GDI2: variants seen among roughly 807,000 people sequenced by gnomAD.
The protein encoded by GDI2 is GDP dissociation inhibitor 2.
In GDI2, 22 loss-of-function variants were observed where a neutral mutation model predicts 54.2. The observed-to-expected ratio is 0.41, with a 90% CI of 0.29 to 0.58. The LOEUF (loss-of-function observed/expected upper bound fraction) is 0.58, where lower values mean the gene tolerates loss of function less well. Ranked by LOEUF, GDI2 falls within the 20% of genes least tolerant of loss-of-function variation. The probability of loss-of-function intolerance (pLI) is 0.35; values close to 1 mark genes in which losing one functional copy is unlikely to be tolerated. For missense variants in GDI2, 422 were observed against 546.0 expected, an observed-to-expected ratio of 0.77 and a Z score of 2.26; for synonymous variants, 177 against 182.1, an observed-to-expected ratio of 0.97 and a Z score of 0.23.
chr10:5,771,458 T>C (rs1840486903), intron 7 of GDI2, among the ~76,000 whole-genome samples: 1 of 152,232 alleles, frequency 6.6e-6, no homozygotes, highest in African/African-American at 2.4e-5. Context: ...ATCATTACTG[T>C]TAGCATATTT....
rs1840862736 is a variant in GDI2, at chr10:5,785,895, T to C, written c.544A>G (p.Ile182Val). Residue 182 changes from isoleucine to valine, a missense_variant, in exon 5 of 11, where the codon ATA becomes GTA. Transcript: ENST00000380191. ...YKKFDLGQDVIDFTGHALALY... is the reference protein window; with the variant it reads ...YKKFDLGQDVVDFTGHALALY... Reference sequence around the variant, plus strand: ...GCAAGAGCATGACCAGTAAAATCTATAACGTCTTGACCCAAATCAAATTTC... The same window carrying C: ...GCAAGAGCATGACCAGTAAAATCTACAACGTCTTGACCCAAATCAAATTTC... 8.1e-6 allele frequency: 13 copies of C among 1,612,230 alleles called. No individual in the cohort carries two copies. Among genetic ancestry groups the C allele is most frequent in the Non-Finnish European group, 1.1e-5 (13 of 1,178,332 alleles).
Position 5,813,372 on chromosome 10 carries a change from G to A in GDI2, c.-114C>T. 1 of 700,328 alleles carries A rather than the reference G, an allele frequency of 1.4e-6. No individual in the cohort carries two copies. 43.4% of individuals were successfully genotyped at this position (700,328 alleles called of 1,614,324 possible). On this transcript the variant is annotated 5_prime_UTR_variant, in exon 1 of 11. Coordinates refer to ENST00000380191, the MANE Select transcript of GDI2 (RefSeq NM_001494.4). ...CGCGAAGGAAAGGGGAAGAGAAAGAGAGGAAAATGGAGCTGGCGACAAGGC... is the reference window on the plus strand; with the variant it reads ...CGCGAAGGAAAGGGGAAGAGAAAGAAAGGAAAATGGAGCTGGCGACAAGGC...
rs904642508 is a variant in GDI2, at chr10:5,795,111, C to A, written c.254-92G>T. 6.3e-6 allele frequency: 5 copies of A among 790,462 alleles called. No homozygotes were observed. The East Asian group carries it at 1.3e-4, about 20-fold the overall frequency. 49.0% of individuals were successfully genotyped at this position (790,462 alleles called of 1,614,324 possible). A position where few individuals can be genotyped will look rare whatever the true frequency, so the allele number is the denominator to read the frequency against. Reference sequence around the variant, plus strand: ...TAACAGCTTCTAAAATTTTTTCTAACGATGTTCAATAACTCCAACAAAATA... The same window carrying A: ...TAACAGCTTCTAAAATTTTTTCTAAAGATGTTCAATAACTCCAACAAAATA... On this transcript the variant is annotated intron_variant, in intron 3 of 10. Coordinates refer to ENST00000380191, the MANE Select transcript of GDI2 (RefSeq NM_001494.4).
At chr10:5,797,533 G>A (rs1427288160) in intron 2 of GDI2, among the ~76,000 whole-genome samples, 1 of 120,178 alleles carries the variant, frequency 8.3e-6, no homozygotes, top group Non-Finnish European at 1.6e-5. Context: ...GACAGAGTGA[G>A]ACTCCATCTC....
intron 1 of GDI2, among the ~76,000 whole-genome samples, chr10:5,805,169 C>A (rs1841349489): frequency 6.6e-6 from 1 of 151,884 alleles, no homozygotes; most frequent in Non-Finnish European, 1.5e-5. Context: ...GCTAACCCTG[C>A]AAGCAGGGCA....
intron 4 of GDI2, among the ~76,000 whole-genome samples, chr10:5,791,233 T>C (rs373766814): frequency 3.2e-4 from 48 of 152,144 alleles, no homozygotes; most frequent in African/African-American, 1.2e-3. Context: ...AGGTCAAGGC[T>C]ACATTGAGCC....
Position 5,776,982 on chromosome 10 carries a change from CTG to C in GDI2, c.720-3043_720-3042del. ...TCCCGGAAATGCTTCATCTGGCAGACTGTGGGAGAAGAGGCATTGCCAGGACT... is the reference window on the plus strand; with the variant it reads ...TCCCGGAAATGCTTCATCTGGCAGACTGGGAGAAGAGGCATTGCCAGGACT... On this transcript the variant is annotated intron_variant, in intron 6 of 10. Transcript: ENST00000380191. This position sits in a 1 kb window ranked among gnomAD's most constrained non-coding sequence, Gnocchi z 5.3. 1 of 507,520 alleles carries C rather than the reference CTG, an allele frequency of 2.0e-6. No individual in the cohort carries two copies. The highest frequency in any genetic ancestry group is 3.2e-5 in the East Asian group (1 of 31,198). 31.4% of individuals were successfully genotyped at this position (507,520 alleles called of 1,614,324 possible).
rs1238983165 is a variant in GDI2, at chr10:5,813,285, C to T, written c.-27G>A. On this transcript the variant is annotated 5_prime_UTR_variant, in exon 1 of 11. Transcript: ENST00000380191. ...GCGGGGCAGGCGCGGACGCAGGACCCGAGCAAGGAAAAGGCGCAGGGGCTC... is the reference window on the plus strand; with the variant it reads ...GCGGGGCAGGCGCGGACGCAGGACCTGAGCAAGGAAAAGGCGCAGGGGCTC... 1.9e-6 allele frequency: 3 copies of T among 1,563,062 alleles called. No individual in the cohort carries two copies. Among genetic ancestry groups the T allele is most frequent in the African/African-American group, 2.7e-5 (2 of 72,972 alleles).
intron 1 of GDI2, among the ~76,000 whole-genome samples, chr10:5,805,451 G>A (rs1193220787): frequency 2.0e-5 from 3 of 151,510 alleles, no homozygotes; most frequent in Non-Finnish European, 2.9e-5. Flanking sequence ...GTGTGATCAT[G>A]GCTCACTGCA....
chr10:5,796,834 G>A lies in GDI2; in HGVS notation c.182C>T (p.Ser61Leu). Residue 61 changes from serine to leucine, a missense_variant, in exon 3 of 11, where the codon TCA (serine) becomes TTA (leucine). Ser to Leu is a moderately radical substitution (Grantham distance 145). Transcript: ENST00000380191. Reference protein sequence around the residue: ...DLYKRFKIPGSPPESMGRGRD... With the variant: ...DLYKRFKIPGLPPESMGRGRD... The stretch of plus-strand genomic sequence containing the variant: ...TCCTCTCCCCATTGACTCGGGTGGT[G>A]ATCCTGGTATTTTAAATCTTTTGTA... The A allele has an allele frequency of 6.3e-7, 1 of 1,581,836 alleles. No homozygotes were observed.
chr10:5,807,600 A>G (rs2131722651), intron 1 of GDI2, among the ~76,000 whole-genome samples: 1 of 152,362 alleles, frequency 6.6e-6, no homozygotes, highest in Non-Finnish European at 1.5e-5. Flanking sequence ...TCTGTATGAC[A>G]CTAGCATCTG....
rs1371452734 is a variant in GDI2, at chr10:5,766,692, A to T, written c.992-54T>A. The T allele has an allele frequency of 7.6e-6, 11 of 1,456,556 alleles. No individual in the cohort carries two copies. In the East Asian group the frequency reaches 2.5e-4, roughly 33 times the overall value. The allele number at this position is 1,456,556 out of a possible 1,614,324, so 90.2% of individuals were successfully genotyped here. A position where few individuals can be genotyped will look rare whatever the true frequency, so the allele number is the denominator to read the frequency against. On this transcript the variant is annotated intron_variant, in intron 8 of 10. Transcript: ENST00000380191. This position sits in a 1 kb window ranked among gnomAD's most constrained non-coding sequence, Gnocchi z 5.8. ...CTCAAGTGTCTCCATCTGGGACCCA[A>T]CATACTCAGGTATCACCCATATGTC...
intron 6 of GDI2, among the ~76,000 whole-genome samples, chr10:5,775,236 C>G (rs374001769): frequency 6.6e-6 from 1 of 152,072 alleles, no homozygotes; most frequent in East Asian, 1.9e-4. Flanking sequence ...TGCAGTAAGT[C>G]GTGATCACAC....
chr10:5,811,238 T>G (rs888357792), intron 1 of GDI2, among the ~76,000 whole-genome samples: 1 of 152,142 alleles, frequency 6.6e-6, no homozygotes, highest in Non-Finnish European at 1.5e-5. Context: ...TCAAAGAACA[T>G]CTCAGAAAAC....
intron 1 of GDI2, among the ~76,000 whole-genome samples, chr10:5,811,553 G>T (rs1485360365): frequency 6.6e-6 from 1 of 151,566 alleles, no homozygotes; most frequent in Admixed American, 6.6e-5. Flanking sequence ...AAAAACGGTG[G>T]AACTAACCGG....
intron 6 of GDI2, among the ~76,000 whole-genome samples, chr10:5,778,878 G>T (rs1840686871): frequency 1.3e-5 from 2 of 152,066 alleles, no homozygotes; most frequent in South Asian, 4.2e-4. Flanking sequence ...ATAAAAAAAT[G>T]TAACTGCCTA....
chr10:5,801,380 G>A (rs1401511393), intron 1 of GDI2, among the ~76,000 whole-genome samples: 1 of 152,138 alleles, frequency 6.6e-6, no homozygotes, highest in African/African-American at 2.4e-5. Context: ...ATTCATTTAA[G>A]GATGTCCTTG....
At chr10:5,777,630 A>T (rs534791530) in intron 6 of GDI2, among the ~76,000 whole-genome samples, 1 of 152,346 alleles carries the variant, frequency 6.6e-6, no homozygotes, top group Admixed American at 6.5e-5. Context: ...AAAAGCCAGG[A>T]AACAGCAGAT....
chr10:5,807,744 C>T (rs936867909), intron 1 of GDI2, among the ~76,000 whole-genome samples: 3 of 152,126 alleles, frequency 2.0e-5, no homozygotes, highest in Non-Finnish European at 4.4e-5. Context: ...GAACCATCAG[C>T]GATACTGACG....
Sources: gnomAD v4.1 joint callset for allele counts (sites outside exome capture counted in the v4.1 genomes callset) on GRCh38, gnomAD v4.1.1 for gene constraint, Gnocchi (gnomAD v3.1) non-coding constraint, MANE v1.5 for transcripts, NCBI Gene and HGNC (gene_info 2026-07-23, HGNC 2026-07-21) for gene names.